The following KLHDC4 variants were observed in gnomAD, a reference collection of about 807,000 sequenced individuals.
The protein encoded by KLHDC4 is kelch domain containing 4.
Under a neutral mutation model 62.4 loss-of-function variants are expected in KLHDC4, and 90 were observed. That is an observed-to-expected ratio of 1.44 (90% CI 1.22 to 1.72). KLHDC4 has a LOEUF of 1.72. Ranked by LOEUF, KLHDC4 falls within the 40% of genes most tolerant of loss-of-function variation. KLHDC4 has a pLI of 0.00. For missense variants in KLHDC4, 1,025 were observed against 699.7 expected (o/e 1.47, Z -5.25); for synonymous variants, 386 against 284.4 (o/e 1.36, Z -3.59).
intron 7 of KLHDC4, among the ~76,000 whole-genome samples, chr16:87,721,761 C>T (rs998285041): frequency 3.7e-4 from 57 of 152,194 alleles, no homozygotes; most frequent in African/African-American, 1.4e-3. Flanking sequence ...AACAGTGGGG[C>T]GTGCAGAGAA....
intron 7 of KLHDC4, among the ~76,000 whole-genome samples, chr16:87,726,176 GCCGCAACTCACCCGTCTCCCCACC>G (rs1455142574): frequency 2.0e-5 from 3 of 150,818 alleles, no homozygotes; most frequent in East Asian, 1.9e-4. Context: ...ATTTTCCCAC[GCCGCAACTCACCCGTCTCCCCACC>G]CCGCGCCTCG....
chr16:87,761,061 C>T (rs116257029), intron 2 of KLHDC4, among the ~76,000 whole-genome samples: 1 of 152,200 alleles, frequency 6.6e-6, no homozygotes, highest in African/African-American at 2.4e-5. Flanking sequence ...ACATTTACCA[C>T]ATGTAACTTA....
intron 3 of KLHDC4, 96 bp downstream of exon 3, chr16:87,756,303 G>C: frequency 1.1e-6 from 1 of 895,216 alleles, no homozygotes; most frequent in South Asian, 1.4e-5. Context: ...AGGGGTGAAG[G>C]GGCTAACGCA....
chr16:87,734,051 A>G (rs546367244), intron 5 of KLHDC4, among the ~76,000 whole-genome samples: 1 of 152,232 alleles, frequency 6.6e-6, no homozygotes, highest in Non-Finnish European at 1.5e-5. Flanking sequence ...AGGTACCCTA[A>G]AAAACACAAG....
At chr16:87,726,014 C>T (rs1029371395) in intron 7 of KLHDC4, among the ~76,000 whole-genome samples, 2 of 152,096 alleles carry the variant, frequency 1.3e-5, no homozygotes, top group Non-Finnish European at 2.9e-5. Context: ...CAGAACAGGG[C>T]CCTAACACGG....
At chr16:87,751,681 G>T (rs1173005543) in intron 4 of KLHDC4, among the ~76,000 whole-genome samples, 1 of 151,926 alleles carries the variant, frequency 6.6e-6, no homozygotes, top group Non-Finnish European at 1.5e-5. Flanking sequence ...CACTGTGGGA[G>T]GCTCATGTGG....
At chr16:87,764,790 GC>G (rs2046378175) in intron 1 of KLHDC4, among the ~76,000 whole-genome samples, 1 of 144,348 alleles carries the variant, frequency 6.9e-6, no homozygotes, top group Non-Finnish European at 1.5e-5. Context: ...AGCAGGTCAT[GC>G]CACTGCAGCC....
chr16:87,763,312 C>T (rs2046150938), intron 1 of KLHDC4, among the ~76,000 whole-genome samples: 1 of 152,182 alleles, frequency 6.6e-6, no homozygotes, highest in African/African-American at 2.4e-5. Flanking sequence ...TTTTAAATGT[C>T]ATTAAATGGA....
chr16:87,701,743 G>A (rs1465606559), exon 1 of KLHDC4: 2 of 456,718 alleles, frequency 4.4e-6, no homozygotes, highest in African/African-American at 2.0e-5. Flanking sequence ...GGCCTATGCC[G>A]CCCGCCCGTC....
At position 87,730,147 on chromosome 16, in the gene KLHDC4, T is replaced by C. The variant is rs550988975; in HGVS notation, c.599+405A>G. Among the ~76,000 whole-genome samples the C allele has an allele frequency of 5.3e-5, 8 of 152,288 alleles. No individual in the cohort carries two copies. The South Asian group carries it at 1.7e-3, about 32-fold the overall frequency. On this transcript the variant is annotated intron_variant, in intron 6 of 11. Coordinates refer to ENST00000270583, the MANE Select transcript of KLHDC4 (RefSeq NM_017566.4). ...TTTTGTATTTTTAGTAGAGACAGCG[T>C]TTCACTATGTTGGCCACGCTGGTTT...
intron 2 of KLHDC4, among the ~76,000 whole-genome samples, chr16:87,759,682 G>A (rs1370098740): frequency 6.6e-6 from 1 of 152,042 alleles, no homozygotes; most frequent in Non-Finnish European, 1.5e-5. Context: ...GGAGGCTACA[G>A]TGAGCCGAGA....
intron 8 of KLHDC4, 122 bp downstream of exon 8, chr16:87,714,376 C>A: frequency 9.4e-7 from 1 of 1,058,300 alleles, no homozygotes; most frequent in Non-Finnish European, 1.2e-6. Context: ...CTCGGCAGGC[C>A]CTCCGCTCCG....
At chr16:87,734,876 G>A (rs1385189242) in intron 5 of KLHDC4, among the ~76,000 whole-genome samples, 1 of 152,036 alleles carries the variant, frequency 6.6e-6, no homozygotes, top group African/African-American at 2.4e-5. Flanking sequence ...CAATTGAGAA[G>A]AAAACCCCAC....
At chr16:87,717,708 C>A (rs533471577) in intron 7 of KLHDC4, among the ~76,000 whole-genome samples, 2 of 148,772 alleles carry the variant, frequency 1.3e-5, no homozygotes, top group Non-Finnish European at 2.9e-5. Context: ...TTATTGTGAA[C>A]TGAATTGACA....
chr16:87,717,507 G>A (rs986618421), intron 7 of KLHDC4, among the ~76,000 whole-genome samples: 1 of 152,206 alleles, frequency 6.6e-6, no homozygotes, highest in African/African-American at 2.4e-5. Context: ...TATGGAGAGT[G>A]ACCTGAATCT....
intron 5 of KLHDC4, among the ~76,000 whole-genome samples, chr16:87,742,718 G>A (rs367742289): frequency 8.5e-5 from 13 of 152,222 alleles, no homozygotes; most frequent in African/African-American, 3.1e-4. Flanking sequence ...TAGGGTCTAC[G>A]TGGAGTACGA....
intron 4 of KLHDC4, 35 bp downstream of exon 4, chr16:87,755,159 G>C (rs369601508): frequency 7.0e-7 from 1 of 1,420,656 alleles, no homozygotes. Context: ...CACGTGGGAA[G>C]AGGGAGGGTG....
chr16:87,749,369 C>A (rs993409583), intron 4 of KLHDC4, among the ~76,000 whole-genome samples: 8 of 151,986 alleles, frequency 5.3e-5, no homozygotes, highest in Non-Finnish European at 1.2e-4. Context: ...TCCTGGCCAA[C>A]ATGGTGAAAC....
intron 7 of KLHDC4, among the ~76,000 whole-genome samples, chr16:87,717,402 C>T (rs1265796135): frequency 6.6e-6 from 1 of 152,126 alleles, no homozygotes; most frequent in African/African-American, 2.4e-5. Context: ...AAACATTTTC[C>T]TTTTGAAACA....
Sources: allele counts gnomAD v4.1 joint callset (sites outside exome capture counted in the v4.1 genomes callset), GRCh38; gene constraint gnomAD v4.1.1; transcripts MANE v1.5; gene names NCBI Gene and HGNC (gene_info 2026-07-23, HGNC 2026-07-21).